Variants in FHAD1 observed in about 807,000 individuals in gnomAD.
The protein encoded by FHAD1 is forkhead-associated domain-containing protein 1.
FHAD1 carries 146 observed loss-of-function variants against 191.3 expected under a neutral mutation model. The ratio of observed to expected loss-of-function variants is 0.76; its 90% CI spans 0.67 to 0.88. The LOEUF (loss-of-function observed/expected upper bound fraction) is 0.88, where lower values mean the gene tolerates loss of function less well. FHAD1 is among the 40% of genes least tolerant of loss of function. The pLI, the probability that FHAD1 is intolerant of heterozygous loss-of-function variation, is 0.00. For synonymous variants in FHAD1, 616 were observed against 672.3 expected, an observed-to-expected ratio of 0.92 and a Z score of 1.29; for missense variants, 1,635 against 1,785.8, an observed-to-expected ratio of 0.92 and a Z score of 1.52.
At position 15,369,416 on chromosome 1, in the gene FHAD1, C is replaced by T. The variant is rs1266731290; in HGVS notation, c.3361C>T (p.Gln1121Ter). The change falls in exon 26 of 34, where the codon CAG becomes TAG. Residue 1121 changes from glutamine (Q) to a stop codon, truncating the protein, a stop_gained. Transcript: ENST00000688493. LOFTEE classifies it high-confidence loss of function. ...HRLQLNTEKE[Q>*]KPRKKTQTCD... ...ACTCCAGCTGAACACAGAGAAGGAA[C>T]AGAAGCCCCGGAAGAAGACCCAGAC... 2.6e-6 allele frequency: 4 copies of T among 1,551,940 alleles called. No individual in the cohort carries two copies. Among genetic ancestry groups the T allele is most frequent in the South Asian group, 2.4e-5 (2 of 84,058 alleles).
rs568236152 is a variant in FHAD1, at chr1:15,307,729, T to A, written c.916-884T>A. On this transcript the variant is annotated intron_variant, in intron 6 of 33. Transcript: ENST00000688493. ...GAAACTGTAATTCCAATTAAACCTC[T>A]TTCTCTTTTTTTTTTTTTGGAGACG... 4.3e-4 allele frequency among the ~76,000 whole-genome samples: 66 copies of A among 151,904 alleles called. 1 individual carries two copies. In the South Asian group the frequency reaches 0.013, roughly 30 times the overall value.
intron 33 of FHAD1, among the ~76,000 whole-genome samples, chr1:15,393,625 C>A (rs1212514655): frequency 1.3e-5 from 2 of 150,200 alleles, no homozygotes; most frequent in African/African-American, 4.9e-5. Context: ...TTTTTGGAGA[C>A]CGTGTCTTGC....
At chr1:15,378,535 G>C (rs742365) in intron 28 of FHAD1, among the ~76,000 whole-genome samples, 3 of 152,144 alleles carry the variant, frequency 2.0e-5, no homozygotes, top group Non-Finnish European at 4.4e-5. Context: ...GATTCTGAAG[G>C]GGAGTGCAGA....
chr1:15,399,145 C>A (rs1706847659), downstream of FHAD1, among the ~76,000 whole-genome samples: 1 of 152,062 alleles, frequency 6.6e-6, no homozygotes, highest in South Asian at 2.1e-4. Flanking sequence ...TTTAAAAAGC[C>A]ACAATAAAAT....
intron 1 of FHAD1, among the ~76,000 whole-genome samples, chr1:15,249,236 G>T (rs1646472410): frequency 6.6e-6 from 1 of 152,002 alleles, no homozygotes; most frequent in African/African-American, 2.4e-5. Context: ...TTTAGCTGGG[G>T]TGGTCAGGTA....
upstream of FHAD1, among the ~76,000 whole-genome samples, chr1:15,242,890 C>G (rs776214848): frequency 1.5e-4 from 23 of 152,184 alleles, no homozygotes; most frequent in Admixed American, 1.0e-3. Flanking sequence ...TTGTTTCATA[C>G]GTCTTAACCC....
chr1:15,303,041 C>T (rs1035636176), intron 6 of FHAD1, among the ~76,000 whole-genome samples: 1 of 152,202 alleles, frequency 6.6e-6, no homozygotes, highest in Non-Finnish European at 1.5e-5. Flanking sequence ...ATTCATTCAT[C>T]CACTCATTCG....
At chr1:15,252,668 T>C (rs1232317626) in intron 2 of FHAD1, among the ~76,000 whole-genome samples, 1 of 152,234 alleles carries the variant, frequency 6.6e-6, no homozygotes, top group Non-Finnish European at 1.5e-5. Flanking sequence ...GGCCTTTGCC[T>C]GCTCTGGGCT....
At chr1:15,371,303 G>T (rs1698016829) in intron 26 of FHAD1, among the ~76,000 whole-genome samples, 2 of 152,224 alleles carry the variant, frequency 1.3e-5, no homozygotes, top group African/African-American at 4.8e-5. Context: ...CTGGATTGTT[G>T]AACTGGGATG....
downstream of FHAD1, among the ~76,000 whole-genome samples, chr1:15,400,448 T>TTCATACACCTGGCC (rs546346176): frequency 1.5e-3 from 236 of 152,306 alleles, 1 homozygote; most frequent in African/African-American, 5.3e-3. Context: ...AATGGCCTCT[T>TTCATACACCTGGCC]TCATACACCT....
chr1:15,246,159 G>A (rs547299653), upstream of FHAD1, among the ~76,000 whole-genome samples: 9 of 152,268 alleles, frequency 5.9e-5, no homozygotes, highest in East Asian at 1.9e-4. Context: ...AGAGAGCAAA[G>A]GGGGAAGTGC....
chr1:15,384,990 CT>C (rs1189668318), intron 31 of FHAD1, among the ~76,000 whole-genome samples: 4 of 152,142 alleles, frequency 2.6e-5, no homozygotes, highest in Admixed American at 6.5e-5. Flanking sequence ...CTCATCCCCC[CT>C]ATTCCTTTCC....
chr1:15,242,904 T>C (rs1387766653), upstream of FHAD1, among the ~76,000 whole-genome samples: 1 of 152,210 alleles, frequency 6.6e-6, no homozygotes, highest in Non-Finnish European at 1.5e-5. Flanking sequence ...TTAACCCATT[T>C]AATCCTTTCA....
intron 12 of FHAD1, 31 bp from the exon 13 acceptor site, chr1:15,328,241 CTTTTT>C: frequency 8.2e-7 from 1 of 1,220,236 alleles, no homozygotes; most frequent in East Asian, 3.1e-5. Flanking sequence ...TATGTTACAT[CTTTTT>C]TTTTTTTTTC....
At chr1:15,401,585 G>T (rs1707128461), downstream of FHAD1, among the ~76,000 whole-genome samples, 2 of 152,220 alleles carry the variant, frequency 1.3e-5, no homozygotes, top group Non-Finnish European at 2.9e-5. Context: ...ACCATCGCCT[G>T]CTGTTGTAGA....
rs71587751 is a variant in FHAD1, at chr1:15,365,481, A to ATTTTT, written c.3048-330_3048-326dup. 1.9e-4 allele frequency among the ~76,000 whole-genome samples: 21 copies of ATTTTT among 112,756 alleles called. 1 individual carries two copies. Among genetic ancestry groups the ATTTTT allele is most frequent in the African/African-American group, 7.8e-4 (18 of 23,186 alleles). The allele number at this position is 112,756 out of a possible 152,430, so 74.0% of individuals were successfully genotyped here. A position where few individuals can be genotyped will look rare whatever the true frequency, so the allele number is the denominator to read the frequency against. On this transcript the variant is annotated intron_variant, in intron 23 of 33. Transcript: ENST00000688493. ...AGCCACACACCACTATGCCTGGCTA[A>ATTTTT]TTTTTTTTTTTTTTTTTTTTGTAGA... is the stretch of plus-strand genomic sequence containing the variant.
chr1:15,269,581 T>G (rs1655006423), intron 2 of FHAD1, among the ~76,000 whole-genome samples: 1 of 152,218 alleles, frequency 6.6e-6, no homozygotes, highest in Non-Finnish European at 1.5e-5. Context: ...GCTCAGAATG[T>G]GGTATAGCTT....
At chr1:15,284,519 C>T (rs1054948890) in intron 3 of FHAD1, among the ~76,000 whole-genome samples, 5 of 150,086 alleles carry the variant, frequency 3.3e-5, no homozygotes, top group Non-Finnish European at 7.4e-5. Context: ...GAAAACATGA[C>T]AGATGCTCCA....
chr1:15,338,220 A>G (rs1685067657), intron 14 of FHAD1, among the ~76,000 whole-genome samples: 1 of 152,054 alleles, frequency 6.6e-6, no homozygotes, highest in Non-Finnish European at 1.5e-5. Context: ...AAAACAACAC[A>G]TTATTCTCTT....
Sources: allele counts gnomAD v4.1 joint callset (sites outside exome capture counted in the v4.1 genomes callset), GRCh38; gene constraint gnomAD v4.1.1; transcripts MANE v1.5; gene names NCBI Gene and HGNC (gene_info 2026-07-23, HGNC 2026-07-21).